The following CUX2 variants were observed in gnomAD, a reference collection of about 807,000 sequenced individuals.
The protein encoded by CUX2 is cut like homeobox 2.
CUX2 carries 40 observed loss-of-function variants against 144.8 expected under a neutral mutation model. The observed-to-expected ratio is 0.28, with a 90% CI of 0.21 to 0.36. CUX2 has a LOEUF of 0.36. Ranked by LOEUF, CUX2 falls within the 10% of genes least tolerant of loss-of-function variation. CUX2 has a pLI of 1.00. For synonymous variants in CUX2, 827 were observed against 875.6 expected (o/e 0.94, Z 0.98); for missense variants, 1,615 against 1,994.0 (o/e 0.81, Z 3.62).
chr12:111,100,807 A>G lies in CUX2; in HGVS notation c.63+66567A>G, dbSNP rs1278300830. Among the ~76,000 whole-genome samples, 5 of 152,182 alleles carry G rather than the reference A, an allele frequency of 3.3e-5. No individual in the cohort carries two copies. In the East Asian group the frequency reaches 9.6e-4, roughly 29 times the overall value. On this transcript the variant is annotated intron_variant, in intron 1 of 21. Coordinates refer to ENST00000261726, the MANE Select transcript of CUX2 (RefSeq NM_015267.4). ...CCTGTGTGAGTATGTATGTGAGCAC[A>G]TGTTGCATGTGTTGCATATGAGCAC...
chr12:111,269,284 A>G (rs966511985), intron 4 of CUX2, among the ~76,000 whole-genome samples: 1 of 152,248 alleles, frequency 6.6e-6, no homozygotes, highest in African/African-American at 2.4e-5. Context: ...GCACCTAATA[A>G]TTGTTGAATA....
intron 3 of CUX2, among the ~76,000 whole-genome samples, chr12:111,223,477 G>T (rs1881959580): frequency 6.6e-6 from 1 of 152,130 alleles, no homozygotes; most frequent in South Asian, 2.1e-4. Context: ...TTGAATCTGG[G>T]CCTGTGCCTA....
intron 1 of CUX2, among the ~76,000 whole-genome samples, chr12:111,147,541 C>T (rs1471665540): frequency 6.6e-6 from 1 of 152,226 alleles, no homozygotes; most frequent in Admixed American, 6.5e-5. Context: ...TTCATGGTTC[C>T]CACCCTCTCG....
At chr12:111,041,781 C>T (rs576134907) in intron 1 of CUX2, among the ~76,000 whole-genome samples, 2 of 152,298 alleles carry the variant, frequency 1.3e-5, no homozygotes, top group Admixed American at 6.5e-5. Context: ...TGTCGGAGTC[C>T]TGAGGAGGGT....
chr12:111,115,565 T>G lies in CUX2; in HGVS notation c.63+81325T>G, dbSNP rs1051662226. Among the ~76,000 whole-genome samples the G allele has an allele frequency of 3.9e-5, 6 of 152,270 alleles. No individual in the cohort carries two copies. In the South Asian group the frequency reaches 1.2e-3, roughly 32 times the overall value. On this transcript the variant is annotated intron_variant, in intron 1 of 21. Transcript: ENST00000261726. ...CTTCCAAAATGCTGGATAAAATTTC[T>G]TAATAATATTGAATCTTCCAATCTA... is the stretch of plus-strand genomic sequence containing the variant.
intron 18 of CUX2, among the ~76,000 whole-genome samples, chr12:111,326,924 A>G (rs539696256): frequency 3.0e-4 from 46 of 152,192 alleles, no homozygotes; most frequent in Non-Finnish European, 5.6e-4. Context: ...CAAACAAACA[A>G]AAATCACATA....
At chr12:111,203,716 T>G (rs1240490534) in intron 1 of CUX2, among the ~76,000 whole-genome samples, 1 of 151,686 alleles carries the variant, frequency 6.6e-6, no homozygotes, top group Admixed American at 6.6e-5. Flanking sequence ...GAACAGGATA[T>G]GAGTTGGGTT....
chr12:111,324,021 T>C (rs1004410583), intron 18 of CUX2, among the ~76,000 whole-genome samples: 3 of 152,082 alleles, frequency 2.0e-5, no homozygotes, highest in African/African-American at 7.2e-5. Flanking sequence ...CACACTGCAC[T>C]GGGCAAGTGA....
At chr12:111,339,212 A>G (rs1418673535) in intron 20 of CUX2, among the ~76,000 whole-genome samples, 3 of 151,932 alleles carry the variant, frequency 2.0e-5, no homozygotes, top group African/African-American at 7.3e-5. Flanking sequence ...ACCCTGGGCG[A>G]CAGAACGACT....
intron 9 of CUX2, among the ~76,000 whole-genome samples, chr12:111,299,080 G>C (rs1436658512): frequency 1.3e-5 from 2 of 152,230 alleles, no homozygotes; most frequent in Non-Finnish European, 2.9e-5. Flanking sequence ...CTCCAGCCCG[G>C]AGTCTTGAGT....
At chr12:111,085,621 C>T (rs573524175) in intron 1 of CUX2, among the ~76,000 whole-genome samples, 39 of 152,330 alleles carry the variant, frequency 2.6e-4, no homozygotes, top group African/African-American at 8.7e-4. Context: ...GCCCAGAATG[C>T]TCTTCCCCTG....
Position 111,059,097 on chromosome 12 carries a change from T to A in CUX2, c.63+24857T>A, listed in dbSNP as rs1284516111. Among the ~76,000 whole-genome samples, 1 of 152,210 alleles carries A rather than the reference T, an allele frequency of 6.6e-6. No individual in the cohort carries two copies. Among genetic ancestry groups the A allele is most frequent in the Admixed American group, 6.5e-5 (1 of 15,280 alleles). On this transcript the variant is annotated intron_variant, in intron 1 of 21. Transcript: ENST00000261726. This position sits in a 1 kb window ranked among gnomAD's most constrained non-coding sequence, Gnocchi z 5.3. Reference sequence around the variant, plus strand: ...CCCTTAACCGTAAACATCTAGAGGCTCGGAATGCTGAACTTTCTGAGGATG... The same window carrying A: ...CCCTTAACCGTAAACATCTAGAGGCACGGAATGCTGAACTTTCTGAGGATG...
intron 1 of CUX2, among the ~76,000 whole-genome samples, chr12:111,208,610 G>A (rs184155050): frequency 2.0e-4 from 30 of 152,076 alleles, no homozygotes; most frequent in African/African-American, 6.3e-4. Context: ...CTGTGCCTCC[G>A]TTTTCTCATC....
At chr12:111,136,018 G>T (rs966485916) in intron 1 of CUX2, among the ~76,000 whole-genome samples, 1 of 152,164 alleles carries the variant, frequency 6.6e-6, no homozygotes, top group African/African-American at 2.4e-5. Context: ...GGGCAGGTGG[G>T]TGCGGGGCCC....
chr12:111,271,183 T>C (rs892605410), intron 4 of CUX2, among the ~76,000 whole-genome samples: 6 of 152,178 alleles, frequency 3.9e-5, no homozygotes, highest in Non-Finnish European at 8.8e-5. Context: ...CCTGAGCCTA[T>C]AGAATAGGAA....
intron 4 of CUX2, among the ~76,000 whole-genome samples, chr12:111,265,714 A>G (rs575407292): frequency 6.6e-6 from 1 of 152,214 alleles, no homozygotes; most frequent in Non-Finnish European, 1.5e-5. Flanking sequence ...ACAGGAGCCC[A>G]AAGAGTTGAA....
chr12:111,043,545 G>A (rs1409864295), intron 1 of CUX2, among the ~76,000 whole-genome samples: 1 of 152,212 alleles, frequency 6.6e-6, no homozygotes, highest in Non-Finnish European at 1.5e-5. Context: ...GGGTGCGGTG[G>A]CTCATGCCTG....
rs1349526617 is a variant in CUX2, at chr12:111,178,075, A to C, written c.64-36125A>C. ...GGTCACTCAGTGGTTCTGTGTAAAA[A>C]CACTGGGTCGAGCATCTTTTTTCCA... On this transcript the variant is annotated intron_variant, in intron 1 of 21. Transcript: ENST00000261726. This position sits in a 1 kb window ranked among gnomAD's most constrained non-coding sequence, Gnocchi z 5.7. Among the ~76,000 whole-genome samples the C allele has an allele frequency of 6.6e-6, 1 of 152,206 alleles. No individual in the cohort carries two copies. Among genetic ancestry groups the C allele is most frequent in the Non-Finnish European group, 1.5e-5 (1 of 68,038 alleles).
chr12:111,321,452 G>A (rs1429461197), intron 17 of CUX2, among the ~76,000 whole-genome samples: 1 of 151,360 alleles, frequency 6.6e-6, no homozygotes, highest in Non-Finnish European at 1.5e-5. Context: ...CTGGGTGACA[G>A]AACGATACTC....
Sources: gnomAD v4.1 joint callset for allele counts (sites outside exome capture counted in the v4.1 genomes callset) on GRCh38, gnomAD v4.1.1 for gene constraint, Gnocchi (gnomAD v3.1) non-coding constraint, MANE v1.5 for transcripts, NCBI Gene and HGNC (gene_info 2026-07-23, HGNC 2026-07-21) for gene names.